Variants in HLCS observed in about 807,000 individuals in gnomAD.
The protein encoded by HLCS is holocarboxylase synthetase.
A neutral mutation model predicts 75.0 loss-of-function variants in HLCS; 53 were observed. The ratio of observed to expected loss-of-function variants is 0.71; its 90% confidence interval spans 0.57 to 0.89. The LOEUF is 0.89. Ranked by LOEUF, HLCS falls within the 40% of genes least tolerant of loss-of-function variation. The pLI, the probability that HLCS is intolerant of heterozygous loss-of-function variation, is 0.00. For synonymous variants in HLCS, 431 were observed against 428.6 expected (o/e 1.01, Z -0.07); for missense variants, 966 against 1,074.0 (o/e 0.90, Z 1.41).
rs1569150085 is a variant in HLCS, at chr21:36,888,485, TATATA to T, written c.1892+8370_1892+8374del. Among the ~76,000 whole-genome samples the T allele has an allele frequency of 2.3e-3, 286 of 124,856 alleles. 11 individuals are homozygous for T. The highest frequency in any genetic ancestry group is 8.6e-3 in the Middle Eastern group (2 of 232). The allele number at this position is 124,856 out of a possible 152,430, so 81.9% of individuals were successfully genotyped here. A position where few individuals can be genotyped will look rare whatever the true frequency, so the allele number is the denominator to read the frequency against. ...ATATATATATATATATATATATATATATATATATATATTTATTTATTTATTTTATG... is the reference window on the plus strand; with the variant it reads ...ATATATATATATATATATATATATATTATATATTTATTTATTTATTTTATG... On this transcript the variant is annotated intron_variant, in intron 6 of 10. Coordinates refer to ENST00000674895, the MANE Select transcript of HLCS (RefSeq NM_001352514.2).
At chr21:36,852,342 T>C (rs554736415) in intron 6 of HLCS, among the ~76,000 whole-genome samples, 10 of 152,310 alleles carry the variant, frequency 6.6e-5, no homozygotes, top group African/African-American at 2.4e-4. Context: ...TACCTGAACA[T>C]TACCATGGAG....
intron 2 of HLCS, among the ~76,000 whole-genome samples, chr21:36,960,136 C>T (rs1199304207): frequency 9.0e-6 from 1 of 110,910 alleles, no homozygotes; most frequent in African/African-American, 3.5e-5. Flanking sequence ...CACCCACCCC[C>T]CCCCCCCCCG....
At chr21:36,854,829 T>C (rs2063131687) in intron 6 of HLCS, among the ~76,000 whole-genome samples, 1 of 152,240 alleles carries the variant, frequency 6.6e-6, no homozygotes, top group African/African-American at 2.4e-5. Context: ...CACATTTAGA[T>C]GAAATACTTG....
chr21:36,868,172 G>A (rs2063625532), intron 6 of HLCS, among the ~76,000 whole-genome samples: 1 of 150,548 alleles, frequency 6.6e-6, no homozygotes, highest in Non-Finnish European at 1.5e-5. Context: ...AAAAGGGAAG[G>A]GAAAAGGGAG....
intron 6 of HLCS, among the ~76,000 whole-genome samples, chr21:36,874,335 G>C (rs570834802): frequency 1.3e-5 from 2 of 151,960 alleles, no homozygotes; most frequent in African/African-American, 2.4e-5. Flanking sequence ...CCAGGAGGTG[G>C]AGCTTGCAGT....
chr21:36,962,370 G>A (rs1351044161), intron 1 of HLCS, among the ~76,000 whole-genome samples, 200 bp from the exon 2 acceptor site: 3 of 152,144 alleles, frequency 2.0e-5, no homozygotes, highest in East Asian at 1.9e-4. Context: ...AAAGCCCATC[G>A]ATGACTCAGG....
intron 6 of HLCS, among the ~76,000 whole-genome samples, chr21:36,791,326 T>C (rs1601263461): frequency 6.6e-6 from 1 of 152,178 alleles, no homozygotes; most frequent in South Asian, 2.1e-4. Context: ...CAGCGGTGAC[T>C]GTTCAGTGAG....
chr21:36,898,601 C>T (rs1166900414), intron 5 of HLCS, among the ~76,000 whole-genome samples: 2 of 151,946 alleles, frequency 1.3e-5, no homozygotes. Flanking sequence ...GAGACCCCGT[C>T]TAGATTAGAA....
chr21:36,877,156 G>A (rs2064012105), intron 6 of HLCS, among the ~76,000 whole-genome samples: 1 of 152,132 alleles, frequency 6.6e-6, no homozygotes, highest in Non-Finnish European at 1.5e-5. Context: ...GTCTTGAAGA[G>A]AACATATACT....
intron 5 of HLCS, among the ~76,000 whole-genome samples, chr21:36,900,373 G>C (rs923312029): frequency 2.0e-5 from 3 of 152,158 alleles, no homozygotes; most frequent in Non-Finnish European, 4.4e-5. Context: ...CAAGTGCAGA[G>C]GCTCCCGGAG....
At chr21:36,784,276 T>C (rs1167634020) in intron 6 of HLCS, among the ~76,000 whole-genome samples, 1 of 151,784 alleles carries the variant, frequency 6.6e-6, no homozygotes, top group Non-Finnish European at 1.5e-5. Flanking sequence ...CTTTTGCTTT[T>C]ATCAAAACAG....
At chr21:36,887,416 T>G (rs1276698933) in intron 6 of HLCS, among the ~76,000 whole-genome samples, 1 of 152,162 alleles carries the variant, frequency 6.6e-6, no homozygotes, top group Admixed American at 6.5e-5. Context: ...TCTACCATAC[T>G]TGAAAAATCG....
At chr21:36,922,478 C>A (rs1388141770) in intron 5 of HLCS, among the ~76,000 whole-genome samples, 1 of 152,216 alleles carries the variant, frequency 6.6e-6, no homozygotes, top group Non-Finnish European at 1.5e-5. Context: ...CCAAACTCGG[C>A]ATGCTGTACC....
chr21:36,783,331 T>G (rs980418619), intron 6 of HLCS, among the ~76,000 whole-genome samples: 1 of 152,192 alleles, frequency 6.6e-6, no homozygotes, highest in African/African-American at 2.4e-5. Flanking sequence ...GTCCAAAGAC[T>G]GGGGTTCTAA....
At chr21:36,845,846 G>T (rs1189467352) in intron 6 of HLCS, among the ~76,000 whole-genome samples, 1 of 152,084 alleles carries the variant, frequency 6.6e-6, no homozygotes, top group Non-Finnish European at 1.5e-5. Flanking sequence ...CTTCCTATGA[G>T]CTCTGTGATG....
intron 6 of HLCS, among the ~76,000 whole-genome samples, chr21:36,778,477 C>G (rs1217786834): frequency 6.6e-6 from 1 of 151,968 alleles, no homozygotes; most frequent in Admixed American, 6.6e-5. Context: ...CAGGGTTTCT[C>G]CATGTTGACC....
chr21:36,873,538 T>C (rs2037724291), intron 6 of HLCS, among the ~76,000 whole-genome samples: 1 of 152,244 alleles, frequency 6.6e-6, no homozygotes, highest in South Asian at 2.1e-4. Context: ...ACGAGTCCTT[T>C]GTCAGACATA....
At chr21:36,964,781 C>T (rs959327896) in intron 1 of HLCS, among the ~76,000 whole-genome samples, 1 of 152,178 alleles carries the variant, frequency 6.6e-6, no homozygotes, top group African/African-American at 2.4e-5. Flanking sequence ...GTAAAACTGT[C>T]CAAGAAAATC....
At chr21:36,799,763 A>G (rs1325154221) in intron 6 of HLCS, among the ~76,000 whole-genome samples, 2 of 152,160 alleles carry the variant, frequency 1.3e-5, no homozygotes, top group African/African-American at 4.8e-5. Context: ...GTTCCATCCA[A>G]TTTGGATCTG....
Sources: gnomAD v4.1 joint callset for allele counts (sites outside exome capture counted in the v4.1 genomes callset) on GRCh38, gnomAD v4.1.1 for gene constraint, MANE v1.5 for transcripts, NCBI Gene and HGNC (gene_info 2026-07-23, HGNC 2026-07-21) for gene names.